The following PRKCA variants were observed in gnomAD, a reference collection of about 807,000 sequenced individuals.
PRKCA encodes the protein protein kinase C alpha type.
Under a neutral mutation model 87.0 loss-of-function variants are expected in PRKCA, and 27 were observed. That is an observed-to-expected ratio of 0.31 (90% CI 0.23 to 0.43). PRKCA has a LOEUF of 0.43. Among genes scored for constraint, PRKCA ranks in the 20% least tolerant of loss-of-function variants. PRKCA has a pLI of 1.00. For missense variants in PRKCA, 518 were observed against 852.3 expected (o/e 0.61, Z 4.88); for synonymous variants, 329 against 311.1 (o/e 1.06, Z -0.61).
intron 3 of PRKCA, among the ~76,000 whole-genome samples, chr17:66,638,965 C>T (rs1032810791): frequency 1.1e-4 from 16 of 152,222 alleles, no homozygotes; most frequent in Non-Finnish European, 2.4e-4. Context: ...CCCGAAATCA[C>T]CAGCACCAAG....
In PRKCA at chr17:66,809,471, T is replaced by C. The variant is rs1464520010; in HGVS notation, c.*5434T>C. The C allele has an allele frequency of 6.6e-6, 1 of 152,546 alleles. No individual in the cohort carries two copies. The highest frequency in any genetic ancestry group is 2.4e-5 in the African/African-American group (1 of 41,456). 9.4% of individuals were successfully genotyped at this position (152,546 alleles called of 1,614,324 possible). A position where few individuals can be genotyped will look rare whatever the true frequency, so the allele number is the denominator to read the frequency against. Reference sequence around the variant, plus strand: ...CTGAATATACTGGGCTATTTGTACTTTTTTATAGAGAACTTTAATAATAAT... The same window carrying C: ...CTGAATATACTGGGCTATTTGTACTCTTTTATAGAGAACTTTAATAATAAT... On this transcript the variant is annotated 3_prime_UTR_variant, in exon 17 of 17. Transcript: ENST00000413366.
chr17:66,642,270 C>T (rs1427591126), intron 4 of PRKCA, among the ~76,000 whole-genome samples: 1 of 152,064 alleles, frequency 6.6e-6, no homozygotes, highest in African/African-American at 2.4e-5. Context: ...GCTGGGACTA[C>T]AGGCCCCCAC....
chr17:66,715,644 A>G (rs977223728), intron 8 of PRKCA, among the ~76,000 whole-genome samples: 2 of 152,212 alleles, frequency 1.3e-5, no homozygotes, highest in East Asian at 3.8e-4. Flanking sequence ...TGGCATCTGT[A>G]GTTCCGTTGG....
chr17:66,360,871 G>A (rs1333480786), intron 2 of PRKCA, among the ~76,000 whole-genome samples: 1 of 152,184 alleles, frequency 6.6e-6, no homozygotes, highest in Admixed American at 6.5e-5. Flanking sequence ...GAAGAGGGAG[G>A]TTTAGGGAAT....
intron 5 of PRKCA, among the ~76,000 whole-genome samples, chr17:66,680,848 G>A (rs868574805): frequency 1.4e-4 from 21 of 152,170 alleles, no homozygotes; most frequent in African/African-American, 4.3e-4. Context: ...TGTTGCCACC[G>A]ATCTAGCTTT....
chr17:66,496,346 C>T (rs1345076858), intron 3 of PRKCA, 63 bp downstream of exon 3: 27 of 1,392,340 alleles, frequency 1.9e-5, no homozygotes, highest in African/African-American at 2.8e-5. Context: ...ATTTTTTTAA[C>T]GCCTGTGCAA....
intron 5 of PRKCA, among the ~76,000 whole-genome samples, chr17:66,658,710 T>C (rs1031455118): frequency 2.0e-5 from 3 of 152,192 alleles, no homozygotes; most frequent in Non-Finnish European, 4.4e-5. Context: ...TTAGGGGTTG[T>C]TACTCTATTA....
At chr17:66,790,991 GTT>G (rs11358340) in intron 16 of PRKCA, among the ~76,000 whole-genome samples, 120 of 143,058 alleles carry the variant, frequency 8.4e-4, no homozygotes, top group African/African-American at 2.5e-3. Flanking sequence ...CTGTTTGCTG[GTT>G]TTTTTTTTTT....
intron 8 of PRKCA, among the ~76,000 whole-genome samples, chr17:66,701,363 G>T (rs940422970): frequency 6.6e-6 from 1 of 152,032 alleles, no homozygotes; most frequent in Admixed American, 6.6e-5. Flanking sequence ...AACATACTTG[G>T]GGGGAAAGCT....
intron 2 of PRKCA, among the ~76,000 whole-genome samples, chr17:66,383,233 T>C (rs1909868246): frequency 1.3e-5 from 2 of 152,228 alleles, no homozygotes; most frequent in Admixed American, 6.5e-5. Flanking sequence ...TTGTAAGTTG[T>C]TCATATTATT....
intron 2 of PRKCA, among the ~76,000 whole-genome samples, chr17:66,460,560 C>G (rs1407175371): frequency 6.6e-6 from 1 of 152,122 alleles, no homozygotes; most frequent in Non-Finnish European, 1.5e-5. Flanking sequence ...GAACTAAAAT[C>G]ACTCTATAGC....
rs1338620323 is a variant in PRKCA, at chr17:66,689,946, A to G, written c.918+899A>G. Among the ~76,000 whole-genome samples the G allele has an allele frequency of 6.6e-6, 1 of 152,132 alleles. No individual in the cohort carries two copies. Among genetic ancestry groups the G allele is most frequent in the African/African-American group, 2.4e-5 (1 of 41,416 alleles). The stretch of plus-strand genomic sequence containing the variant: ...TCTAGAGCAGTACACGTGCACACGC[A>G]CACATGTGTGTAGATGCTGAACTGC... On this transcript the variant is annotated intron_variant, in intron 8 of 16. Transcript: ENST00000413366. This position sits in a 1 kb window ranked among gnomAD's most constrained non-coding sequence, Gnocchi z 4.1.
At chr17:66,578,900 C>G (rs1029776104) in intron 3 of PRKCA, among the ~76,000 whole-genome samples, 7 of 152,206 alleles carry the variant, frequency 4.6e-5, no homozygotes, top group African/African-American at 1.7e-4. Flanking sequence ...GTGGGTGGCT[C>G]CCCGCGCAGC....
chr17:66,412,203 C>G (rs954941249), intron 2 of PRKCA, among the ~76,000 whole-genome samples: 1 of 151,986 alleles, frequency 6.6e-6, no homozygotes, highest in Non-Finnish European at 1.5e-5. Context: ...TCCCAAGGCA[C>G]ACACCACCAC....
intron 2 of PRKCA, among the ~76,000 whole-genome samples, chr17:66,345,832 T>G (rs188420457): frequency 6.6e-6 from 1 of 152,278 alleles, no homozygotes; most frequent in East Asian, 1.9e-4. Flanking sequence ...AAAATGGAAT[T>G]TATAGCCCTA....
At chr17:66,335,779 C>G (rs181218230) in intron 2 of PRKCA, among the ~76,000 whole-genome samples, 3 of 151,988 alleles carry the variant, frequency 2.0e-5, no homozygotes, top group African/African-American at 7.3e-5. Context: ...TTCACTAATG[C>G]GAGGAATACT....
At chr17:66,331,850 G>A (rs1906344555) in intron 2 of PRKCA, among the ~76,000 whole-genome samples, 1 of 152,204 alleles carries the variant, frequency 6.6e-6, no homozygotes, top group African/African-American at 2.4e-5. Context: ...ATTTCTGACA[G>A]CTGTGTTGCT....
chr17:66,446,651 A>G (rs959528926), intron 2 of PRKCA, among the ~76,000 whole-genome samples: 2 of 152,094 alleles, frequency 1.3e-5, no homozygotes, highest in African/African-American at 4.8e-5. Flanking sequence ...GCTTGTGATG[A>G]GAGGGGCCTG....
At chr17:66,663,160 G>A (rs1440995653) in intron 5 of PRKCA, among the ~76,000 whole-genome samples, 3 of 152,152 alleles carry the variant, frequency 2.0e-5, no homozygotes, top group Admixed American at 6.5e-5. Context: ...GGGCTCCCTC[G>A]GGCACAAACA....
Sources: allele counts gnomAD v4.1 joint callset (sites outside exome capture counted in the v4.1 genomes callset), GRCh38; gene constraint gnomAD v4.1.1; non-coding constraint Gnocchi (gnomAD v3.1); transcripts MANE v1.5; gene names NCBI Gene and HGNC (gene_info 2026-07-23, HGNC 2026-07-21).